ZNF516: variants seen among roughly 807,000 people sequenced by gnomAD.
The protein encoded by ZNF516 is zinc finger protein 516.
A neutral mutation model predicts 79.7 loss-of-function variants in ZNF516; 19 were observed. The observed-to-expected ratio is 0.24, with a 90% CI of 0.17 to 0.35. ZNF516 has a LOEUF of 0.35. ZNF516 is among the 10% of genes least tolerant of loss of function. The pLI, the probability that ZNF516 is intolerant of heterozygous loss-of-function variation, is 1.00. For synonymous variants in ZNF516, 877 were observed against 739.5 expected, an observed-to-expected ratio of 1.19 and a Z score of -3.02; for missense variants, 1,678 against 1,679.5, an observed-to-expected ratio of 1.00 and a Z score of 0.02.
At chr18:76,454,331 T>C (rs1912595567) in intron 2 of ZNF516, among the ~76,000 whole-genome samples, 1 of 152,254 alleles carries the variant, frequency 6.6e-6, no homozygotes, top group African/African-American at 2.4e-5. Flanking sequence ...AAGATTTTGA[T>C]AGGATAGCTG....
chr18:76,480,529 A>ATATTTTTTT (rs374464151), intron 1 of ZNF516, among the ~76,000 whole-genome samples: 53 of 142,074 alleles, frequency 3.7e-4, no homozygotes, highest in Admixed American at 1.0e-3. Context: ...ACACACATAT[A>ATATTTTTTT]TTTTTTTTTT....
At chr18:76,476,326 G>A (rs911503168) in intron 1 of ZNF516, among the ~76,000 whole-genome samples, 4 of 152,252 alleles carry the variant, frequency 2.6e-5, no homozygotes, top group African/African-American at 7.2e-5. Context: ...AAGTGTCTCT[G>A]TCTATCTTGA....
At chr18:76,439,611 G>A (rs2075787675) in intron 3 of ZNF516, among the ~76,000 whole-genome samples, 1 of 152,052 alleles carries the variant, frequency 6.6e-6, no homozygotes, top group Admixed American at 6.6e-5. Context: ...AATTTATGAT[G>A]GGAATCATTT....
At chr18:76,413,777 G>T (rs1014682087) in intron 3 of ZNF516, among the ~76,000 whole-genome samples, 1 of 152,190 alleles carries the variant, frequency 6.6e-6, no homozygotes, top group Non-Finnish European at 1.5e-5. Flanking sequence ...TTTAAATGAT[G>T]ACGTAAAAGC....
At chr18:76,412,594 G>A (rs2075385246) in intron 3 of ZNF516, among the ~76,000 whole-genome samples, 1 of 151,852 alleles carries the variant, frequency 6.6e-6, no homozygotes, top group African/African-American at 2.4e-5. Context: ...GGACTGCAAT[G>A]CACTGGGTAA....
chr18:76,415,640 A>G (rs766667830), intron 3 of ZNF516, among the ~76,000 whole-genome samples: 11 of 152,148 alleles, frequency 7.2e-5, no homozygotes, highest in Admixed American at 4.6e-4. Context: ...CCGTGGAAAG[A>G]GCCTGTTTTG....
At chr18:76,399,024 G>A (rs2145199804) in intron 3 of ZNF516, among the ~76,000 whole-genome samples, 1 of 152,306 alleles carries the variant, frequency 6.6e-6, no homozygotes, top group East Asian at 1.9e-4. Flanking sequence ...TCTGTCCTCC[G>A]TGACAGAGGA....
chr18:76,491,582 G>GGCGCCGGGGGGCGGGGGGCGGGCGC (rs1915223835), intron 1 of ZNF516: 1 of 158,226 alleles, frequency 6.3e-6, no homozygotes, highest in African/African-American at 2.5e-5. Context: ...GGCGGGGGCG[G>GGCGCCGGGGGGCGGGGGGCGGGCGC]CGGGCCAGGC....
chr18:76,443,269 G>C (rs1401031139), intron 2 of ZNF516, 58 bp from the exon 3 acceptor site: 1 of 667,294 alleles, frequency 1.5e-6, no homozygotes, highest in East Asian at 3.1e-5. Flanking sequence ...CACAGGCATG[G>C]CTGCGGGAAC....
At chr18:76,385,020 A>G (rs1156897020) in intron 3 of ZNF516, among the ~76,000 whole-genome samples, 1 of 151,746 alleles carries the variant, frequency 6.6e-6, no homozygotes, top group East Asian at 1.9e-4. Flanking sequence ...TCCAACACTC[A>G]CCCCATGCTC....
At position 76,451,735 on chromosome 18, in the gene ZNF516, A is replaced by G. The variant is rs75564345; in HGVS notation, c.-157-8524T>C. Among the ~76,000 whole-genome samples the G allele has an allele frequency of 2.1e-3, 326 of 152,292 alleles. 4 individuals carry two copies. The East Asian group carries it at 0.032, about 15-fold the overall frequency. On this transcript the variant is annotated intron_variant, in intron 2 of 6. Transcript: ENST00000443185. This position sits in a 1 kb window ranked among gnomAD's most constrained non-coding sequence, Gnocchi z 6.0. The stretch of plus-strand genomic sequence containing the variant: ...CAATGAGACGGGCTTCACTAGTTAC[A>G]CTGTAGTATTATGAACCATGAATTA...
intron 2 of ZNF516, among the ~76,000 whole-genome samples, chr18:76,456,554 T>A (rs1912735260): frequency 6.6e-6 from 1 of 152,166 alleles, no homozygotes; most frequent in Non-Finnish European, 1.5e-5. Context: ...ACGCCCTCAA[T>A]GTGCTTTGTA....
In ZNF516 at chr18:76,442,555, G is replaced by A. The variant is rs545742302; in HGVS notation, c.500C>T (p.Pro167Leu). ...CTGGACCGCTGCCTTGGCCTCCCCC[G>A]GGGCGCATGCGGACCCCTCTGCCCC... ...KKGAEGSACA[P>L]GEAKAAVQCS... Residue 167 changes from proline to leucine, a missense_variant, in exon 3 of 7, where the codon CCG becomes CTG. By Grantham distance (98) the Pro-to-Leu change is moderately conservative. Coordinates refer to ENST00000443185, the MANE Select transcript of ZNF516 (RefSeq NM_014643.4). 4.2e-5 allele frequency: 67 copies of A among 1,598,938 alleles called. No homozygotes were observed. The highest frequency in any genetic ancestry group is 1.7e-4 in the Middle Eastern group (1 of 6,058).
chr18:76,399,962 G>T (rs758746796), intron 3 of ZNF516, among the ~76,000 whole-genome samples: 2 of 152,114 alleles, frequency 1.3e-5, no homozygotes, highest in Non-Finnish European at 2.9e-5. Flanking sequence ...CTCCCAGTGG[G>T]GTGGTTTCAA....
Position 76,441,623 on chromosome 18 carries a change from G to T in ZNF516, c.1432C>A (p.Arg478=), listed in dbSNP as rs1206528126. Residue 478 remains arginine (R), a synonymous_variant, in exon 3 of 7, where the codon CGG becomes AGG. Coordinates refer to ENST00000443185, the MANE Select transcript of ZNF516 (RefSeq NM_014643.4). The part of the protein sequence containing the change: ...QDAPAAQGPP[R]KRASGPGDPA... The stretch of plus-strand genomic sequence containing the variant: ...TCCCCAGGCCCGCTCGCGCGCTTCC[G>T]CGGGGGCCCCTGCGCGGCTGGTGCA... 4.6e-6 allele frequency: 7 copies of T among 1,511,864 alleles called. No individual in the cohort carries two copies. The highest frequency in any genetic ancestry group is 1.4e-5 in the African/African-American group (1 of 70,312). 93.7% of individuals were successfully genotyped at this position (1,511,864 alleles called of 1,614,324 possible). A position where few individuals can be genotyped will look rare whatever the true frequency, so the allele number is the denominator to read the frequency against.
rs1282923401 is a variant in ZNF516, at chr18:76,442,703, T to G, written c.352A>C (p.Thr118Pro). The G allele has an allele frequency of 6.3e-7, 1 of 1,582,810 alleles. No homozygotes were observed. The highest frequency in any genetic ancestry group is 2.3e-5 in the East Asian group (1 of 43,030). ...CGGTTGCAGGCCGAGGCGCTCTTGG[T>G]GGGGCTGGCGCAGGCGTCCAGGCCC... ...SEGLDACASP[T>P]KSASACNRLL... Residue 118 changes from threonine to proline, a missense_variant, in exon 3 of 7, where the codon ACC becomes CCC. This residue lies in a region of ZNF516 where 279 missense variants were observed against 254.1 expected (regional missense o/e 1.10). Transcript: ENST00000443185.
chr18:76,429,567 T>C (rs1216686044), intron 3 of ZNF516, among the ~76,000 whole-genome samples: 1 of 152,030 alleles, frequency 6.6e-6, no homozygotes, highest in Non-Finnish European at 1.5e-5. Context: ...AAGGAGGGTG[T>C]GGGTGACCCT....
intron 1 of ZNF516, among the ~76,000 whole-genome samples, chr18:76,479,563 C>A (rs562345352): frequency 6.6e-6 from 1 of 152,200 alleles, no homozygotes; most frequent in East Asian, 1.9e-4. Flanking sequence ...CACAGGCGTT[C>A]GTAACGGGCC....
chr18:76,373,892 T>G (rs372607702), intron 4 of ZNF516, among the ~76,000 whole-genome samples: 2 of 152,242 alleles, frequency 1.3e-5, no homozygotes, highest in East Asian at 1.9e-4. Flanking sequence ...GGTTATAAAC[T>G]TCATTTGAAC....
Sources: gnomAD v4.1 joint callset for allele counts (sites outside exome capture counted in the v4.1 genomes callset) on GRCh38, gnomAD v4.1.1 for gene constraint, gnomAD v4.1.1 regional missense constraint, Gnocchi (gnomAD v3.1) non-coding constraint, MANE v1.5 for transcripts, NCBI Gene and HGNC (gene_info 2026-07-23, HGNC 2026-07-21) for gene names.